The following RGSL1 variants were observed in gnomAD, a reference collection of about 807,000 sequenced individuals.
RGSL1 encodes regulator of G protein signaling protein-like.
In RGSL1, 97 loss-of-function variants were observed where a neutral mutation model predicts 124.7. The observed-to-expected ratio is 0.78, with a 90% CI of 0.66 to 0.92. RGSL1 has a LOEUF of 0.92. Among genes scored for constraint, RGSL1 ranks in the 40% least tolerant of loss-of-function variants. RGSL1 has a pLI of 0.00. For synonymous variants in RGSL1, 424 were observed against 438.1 expected (o/e 0.97, Z 0.40); for missense variants, 1,233 against 1,288.4 (o/e 0.96, Z 0.66).
At chr1:182,541,597 T>C (rs1445821539) in intron 15 of RGSL1, among the ~76,000 whole-genome samples, 1 of 152,158 alleles carries the variant, frequency 6.6e-6, no homozygotes, top group African/African-American at 2.4e-5. Flanking sequence ...ATACCCAGTA[T>C]TAGGATTGCT....
At position 182,523,347 on chromosome 1, in the gene RGSL1, G is replaced by A. The variant is rs142098445; in HGVS notation, c.1931+1238G>A. Among the ~76,000 whole-genome samples the A allele has an allele frequency of 6.0e-3, 913 of 151,672 alleles. 8 individuals carry two copies. The highest frequency in any genetic ancestry group is 6.3e-3 in the Non-Finnish European group (427 of 67,908). On this transcript the variant is annotated intron_variant, in intron 10 of 21. Transcript: ENST00000294854. ...TTTGTACCCAGCCAAGAATGTTTTC[G>A]TTTATTGATGACATTCATTGAGGGT...
At chr1:182,474,948 C>T (rs551942897) in intron 6 of RGSL1, among the ~76,000 whole-genome samples, 4 of 152,318 alleles carry the variant, frequency 2.6e-5, no homozygotes, top group African/African-American at 7.2e-5. Context: ...ATCATCCCCC[C>T]AGCCCCAAGT....
intron 18 of RGSL1, among the ~76,000 whole-genome samples, chr1:182,552,592 C>T (rs1660634178): frequency 6.6e-6 from 1 of 152,212 alleles, no homozygotes; most frequent in Non-Finnish European, 1.5e-5. Context: ...GTGCTCCCCT[C>T]TCTCAGCCTC....
chr1:182,468,971 C>T (rs192221888), intron 4 of RGSL1, among the ~76,000 whole-genome samples: 246 of 151,790 alleles, frequency 1.6e-3, no homozygotes, highest in African/African-American at 4.9e-3. Context: ...TGTCCACGTG[C>T]GAAATAATGA....
In RGSL1 at chr1:182,538,229, G is replaced by C. The variant is rs139859186; in HGVS notation, c.2495-2018G>C. ...TATCTTGGACAAAAGTGGACGTTCC[G>C]ATAAAAAAGTTTCAGCAGGCTGGGG... On this transcript the variant is annotated intron_variant, in intron 14 of 21. Transcript: ENST00000294854. Among the ~76,000 whole-genome samples the C allele has an allele frequency of 1.5e-3, 228 of 152,236 alleles. 2 individuals carry two copies. Among genetic ancestry groups the C allele is most frequent in the African/African-American group, 5.3e-3 (221 of 41,548 alleles).
At chr1:182,522,799 G>A (rs1306355461) in intron 10 of RGSL1, among the ~76,000 whole-genome samples, 1 of 152,048 alleles carries the variant, frequency 6.6e-6, no homozygotes, top group East Asian at 1.9e-4. Flanking sequence ...TTACTTTTTA[G>A]GTATGTTTTC....
chr1:182,486,701 G>A lies in RGSL1; in HGVS notation c.1432-1584G>A, dbSNP rs540031639. ...TTATTTATTTATTTTTTGAGACGGC[G>A]TTTCATTCTTGTCGCCCAGGCTGGA... On this transcript the variant is annotated intron_variant, in intron 6 of 21. Transcript: ENST00000294854. 8.2e-4 allele frequency among the ~76,000 whole-genome samples: 125 copies of A among 151,720 alleles called. 1 individual carries two copies. In the Middle Eastern group the frequency reaches 0.037, roughly 45 times the overall value.
At chr1:182,552,975 G>A (rs1385087260) in intron 18 of RGSL1, among the ~76,000 whole-genome samples, 1 of 152,080 alleles carries the variant, frequency 6.6e-6, no homozygotes. Flanking sequence ...CATGATCTTG[G>A]CTCACCACAC....
chr1:182,547,133 T>C (rs1331524264), intron 15 of RGSL1, among the ~76,000 whole-genome samples: 3 of 152,206 alleles, frequency 2.0e-5, no homozygotes, highest in African/African-American at 7.2e-5. Flanking sequence ...TGACATTGGA[T>C]ATACAAAAAA....
chr1:182,532,172 T>C (rs1409595685), intron 13 of RGSL1, among the ~76,000 whole-genome samples: 1 of 152,022 alleles, frequency 6.6e-6, no homozygotes, highest in African/African-American at 2.4e-5. Context: ...AGGAAACTTA[T>C]GAAATTCGTG....
intron 4 of RGSL1, among the ~76,000 whole-genome samples, chr1:182,465,933 C>T (rs1337408220): frequency 6.6e-6 from 1 of 152,000 alleles, no homozygotes; most frequent in African/African-American, 2.4e-5. Flanking sequence ...TAGCAAACCA[C>T]ATTCAACAGT....
At chr1:182,500,916 T>C (rs533939889) in intron 9 of RGSL1, among the ~76,000 whole-genome samples, 1 of 152,240 alleles carries the variant, frequency 6.6e-6, no homozygotes, top group African/African-American at 2.4e-5. Context: ...GTACATTAGA[T>C]TGTGTCACGT....
intron 9 of RGSL1, among the ~76,000 whole-genome samples, chr1:182,495,106 G>A (rs1655818847): frequency 6.6e-6 from 1 of 152,192 alleles, no homozygotes; most frequent in African/African-American, 2.4e-5. Context: ...GTCACTAAGT[G>A]GCTGGCTTTT....
intron 6 of RGSL1, among the ~76,000 whole-genome samples, chr1:182,476,469 A>T (rs1420084496): frequency 1.3e-5 from 2 of 151,550 alleles, no homozygotes; most frequent in Non-Finnish European, 2.9e-5. Flanking sequence ...AGAAGTGACC[A>T]CTCCTTTCCA....
intron 6 of RGSL1, among the ~76,000 whole-genome samples, chr1:182,478,371 C>A (rs1359463479): frequency 6.6e-6 from 1 of 152,018 alleles, no homozygotes; most frequent in Admixed American, 6.6e-5. Context: ...AATGAAAGAG[C>A]CAAATAGAAA....
chr1:182,551,039 G>A (rs1245034581), intron 17 of RGSL1, 61 bp from the exon 18 acceptor site: 25 of 1,137,126 alleles, frequency 2.2e-5, no homozygotes, highest in East Asian at 1.8e-4. Context: ...CCCTGTGCTC[G>A]GTGCTCCAGC....
intron 2 of RGSL1, among the ~76,000 whole-genome samples, chr1:182,456,109 G>T (rs147243060): frequency 1.6e-3 from 242 of 152,262 alleles, no homozygotes; most frequent in African/African-American, 5.5e-3. Flanking sequence ...CTGTTTAAGT[G>T]TTGGGCAAGG....
intron 12 of RGSL1, 146 bp downstream of exon 12, chr1:182,530,507 C>A: frequency 1.5e-6 from 1 of 651,830 alleles, no homozygotes; most frequent in South Asian, 2.0e-5. Context: ...TTATCTTGAA[C>A]TTTCCTACCT....
rs1374009395 is a variant in RGSL1 at position 182,553,451 on chromosome 1, C to G, written c.3044-4C>G. 5 of 1,551,028 alleles carry G rather than the reference C, an allele frequency of 3.2e-6. No homozygotes were observed. Among genetic ancestry groups the G allele is most frequent in the Non-Finnish European group, 4.4e-6 (5 of 1,146,652 alleles). On this transcript the variant is annotated splice_polypyrimidine_tract_variant and splice_region_variant and intron_variant, in intron 18 of 21. Coordinates refer to ENST00000294854, the MANE Select transcript of RGSL1 (RefSeq NM_001137669.2). ...TTTTAATGCTTGTTTTTGTCCTTCC[C>G]CAGGAGACAATGCCATCTTAAGGTT...
Sources: gnomAD v4.1 joint callset for allele counts (sites outside exome capture counted in the v4.1 genomes callset) on GRCh38, gnomAD v4.1.1 for gene constraint, MANE v1.5 for transcripts, NCBI Gene and HGNC (gene_info 2026-07-23, HGNC 2026-07-21) for gene names.